SGPP2: variants seen among roughly 807,000 people sequenced by gnomAD.
SGPP2 encodes the protein sphingosine 1-phosphate phosphohydrolase 2.
A neutral mutation model predicts 33.9 loss-of-function variants in SGPP2; 30 were observed. The ratio of observed to expected loss-of-function variants is 0.89; its 90% CI spans 0.66 to 1.20. The LOEUF is 1.20. SGPP2 is among the 50% of genes most tolerant of loss of function. The pLI is 0.00. For synonymous variants in SGPP2, 233 were observed against 225.0 expected (o/e 1.04, Z -0.32); for missense variants, 458 against 532.1 (o/e 0.86, Z 1.37).
At chr2:222,433,546 T>C (rs1020170170) in intron 1 of SGPP2, among the ~76,000 whole-genome samples, 27 of 152,300 alleles carry the variant, frequency 1.8e-4, no homozygotes, top group Middle Eastern at 3.4e-3. Flanking sequence ...TACTTAATCC[T>C]ACCTGGTGAA....
chr2:222,473,795 A>G (rs951870283), intron 1 of SGPP2, among the ~76,000 whole-genome samples: 3 of 152,026 alleles, frequency 2.0e-5, no homozygotes, highest in Non-Finnish European at 4.4e-5. Flanking sequence ...GTGGTGGTGC[A>G]TGCCTGTAAT....
intron 1 of SGPP2, chr2:222,452,985 A>AAT (rs1697515419): frequency 6.3e-7 from 1 of 1,587,532 alleles, no homozygotes; most frequent in African/African-American, 1.3e-5. Context: ...GAGTACACAC[A>AAT]GCTGGGTGGA....
At chr2:222,467,950 GAAAAAAAAAAAAAAAAAAA>G (rs61253653) in intron 1 of SGPP2, among the ~76,000 whole-genome samples, 1,056 of 24,864 alleles carry the variant, frequency 0.042, 32 homozygotes, top group African/African-American at 0.06. Context: ...GCTCTAATCT[GAAAAAAAAAAAAAAAAAAA>G]AAAAAAAAAA....
At chr2:222,544,405 T>C (rs544304873) in intron 4 of SGPP2, among the ~76,000 whole-genome samples, 2 of 152,320 alleles carry the variant, frequency 1.3e-5, no homozygotes, top group South Asian at 2.1e-4. Context: ...CCTTAAAATA[T>C]AGTTTTCCCT....
At chr2:222,487,532 T>C (rs1366416957) in intron 2 of SGPP2, among the ~76,000 whole-genome samples, 1 of 152,156 alleles carries the variant, frequency 6.6e-6, no homozygotes, top group Non-Finnish European at 1.5e-5. Context: ...TTAGTGTTTT[T>C]CATCATATGC....
chr2:222,490,604 A>ATTT (rs60235375), intron 2 of SGPP2, among the ~76,000 whole-genome samples: 63 of 115,456 alleles, frequency 5.5e-4, no homozygotes, highest in African/African-American at 1.8e-3. Context: ...CACCTGGCTA[A>ATTT]TTTTTTTTTT....
intron 4 of SGPP2, among the ~76,000 whole-genome samples, chr2:222,530,896 T>G (rs563889638): frequency 2.0e-5 from 3 of 152,270 alleles, no homozygotes; most frequent in Admixed American, 2.0e-4. Flanking sequence ...GACAGCCAGG[T>G]GCAGTGGCTC....
intron 2 of SGPP2, among the ~76,000 whole-genome samples, chr2:222,494,801 T>C (rs1367552699): frequency 5.3e-5 from 8 of 152,324 alleles, no homozygotes; most frequent in Admixed American, 4.6e-4. Context: ...CTCTCTTTTT[T>C]CCCCCCTCTT....
chr2:222,467,950 GAAAAAAAAAAAAAAAAAAAAAAAA>G (rs61253653), intron 1 of SGPP2, among the ~76,000 whole-genome samples: 682 of 24,888 alleles, frequency 0.027, 28 homozygotes, highest in African/African-American at 0.039. Context: ...GCTCTAATCT[GAAAAAAAAAAAAAAAAAAAAAAAA>G]AAAAAAAAAA....
Position 222,516,479 on chromosome 2 carries a change from T to C in SGPP2, c.379-5288T>C, listed in dbSNP as rs566288452. On this transcript the variant is annotated intron_variant, in intron 2 of 4. Transcript: ENST00000321276. ...GGGCTATTATAAAAAAGAGCTGTTA[T>C]GAACATTCATATATGAGTATTTGGT... 2.2e-4 allele frequency among the ~76,000 whole-genome samples: 33 copies of C among 152,358 alleles called. No individual in the cohort carries two copies. The South Asian group carries it at 5.6e-3, about 26-fold the overall frequency.
At chr2:222,536,373 A>T (rs934244196) in intron 4 of SGPP2, among the ~76,000 whole-genome samples, 1 of 152,198 alleles carries the variant, frequency 6.6e-6, no homozygotes, top group African/African-American at 2.4e-5. Flanking sequence ...AAGGATGTTT[A>T]CATCATTGTT....
chr2:222,511,594 G>A (rs1213399721), intron 2 of SGPP2, among the ~76,000 whole-genome samples: 1 of 152,176 alleles, frequency 6.6e-6, no homozygotes, highest in African/African-American at 2.4e-5. Flanking sequence ...ACAATACAGA[G>A]AAAAGCCCTC....
intron 1 of SGPP2, among the ~76,000 whole-genome samples, chr2:222,464,545 T>C (rs55703341): frequency 0.013 from 2,041 of 152,312 alleles, 41 homozygotes; most frequent in African/African-American, 0.046. Context: ...TGCAGTGGCA[T>C]GATCATGGCT....
intron 2 of SGPP2, among the ~76,000 whole-genome samples, chr2:222,482,277 A>G (rs1322952038): frequency 1.3e-5 from 2 of 152,244 alleles, no homozygotes; most frequent in Admixed American, 6.5e-5. Context: ...AGAAGCTCAC[A>G]GGAACAAATG....
At chr2:222,512,960 G>A (rs1698553150) in intron 2 of SGPP2, among the ~76,000 whole-genome samples, 1 of 152,188 alleles carries the variant, frequency 6.6e-6, no homozygotes, top group Non-Finnish European at 1.5e-5. Flanking sequence ...TTTTTGTGGA[G>A]GTAAGTTTTC....
chr2:222,442,677 A>C (rs1248537370), intron 1 of SGPP2, among the ~76,000 whole-genome samples: 1 of 152,236 alleles, frequency 6.6e-6, no homozygotes, highest in African/African-American at 2.4e-5. Context: ...TTTGGCTAAG[A>C]ATCTAAAATG....
chr2:222,500,871 G>A (rs971277312), intron 2 of SGPP2, among the ~76,000 whole-genome samples: 1 of 152,194 alleles, frequency 6.6e-6, no homozygotes, highest in African/African-American at 2.4e-5. Flanking sequence ...ATTTCACCAT[G>A]AAATGGTGCT....
At chr2:222,469,269 C>T (rs543084200) in intron 1 of SGPP2, among the ~76,000 whole-genome samples, 2 of 152,290 alleles carry the variant, frequency 1.3e-5, no homozygotes, top group South Asian at 2.1e-4. Context: ...CCGCAACCTC[C>T]GCCCCTCCAG....
chr2:222,544,298 G>A (rs1689139933), intron 4 of SGPP2, among the ~76,000 whole-genome samples: 1 of 152,188 alleles, frequency 6.6e-6, no homozygotes, highest in African/African-American at 2.4e-5. Context: ...CCTCCAACAT[G>A]TTCACGAATG....
Sources: allele counts gnomAD v4.1 joint callset (sites outside exome capture counted in the v4.1 genomes callset), GRCh38; gene constraint gnomAD v4.1.1; transcripts MANE v1.5; gene names NCBI Gene and HGNC (gene_info 2026-07-23, HGNC 2026-07-21).